ATP8A2: variants seen among roughly 807,000 people sequenced by gnomAD.
ATP8A2 encodes the protein ATPase phospholipid transporting 8A2, also known as phospholipid-transporting ATPase IB.
Under a neutral mutation model 165.6 loss-of-function variants are expected in ATP8A2, and 100 were observed. The observed-to-expected ratio is 0.60, with a 90% CI of 0.51 to 0.71. The LOEUF is 0.71. ATP8A2 is among the 30% of genes least tolerant of loss of function. ATP8A2 has a pLI of 0.00. For synonymous variants in ATP8A2, 543 were observed against 548.8 expected (o/e 0.99, Z 0.15); for missense variants, 1,227 against 1,479.5 (o/e 0.83, Z 2.80).
intron 24 of ATP8A2, among the ~76,000 whole-genome samples, chr13:25,654,715 G>T (rs1054015731): frequency 3.3e-5 from 5 of 152,156 alleles, no homozygotes; most frequent in Admixed American, 6.5e-5. Flanking sequence ...GACATAGAAG[G>T]TCATCTCCCT....
chr13:25,937,352 T>TTCTG (rs1182060029), intron 33 of ATP8A2, among the ~76,000 whole-genome samples: 1 of 80,638 alleles, frequency 1.2e-5, no homozygotes, highest in East Asian at 4.1e-4. Flanking sequence ...TGTCTTTCTA[T>TTCTG]TCTTTCTTTC....
chr13:25,885,364 C>A (rs555490673), intron 33 of ATP8A2, among the ~76,000 whole-genome samples: 2 of 152,012 alleles, frequency 1.3e-5, no homozygotes, highest in African/African-American at 2.4e-5. Context: ...CCATCTGCCT[C>A]GGCCTCCCAA....
intron 33 of ATP8A2, among the ~76,000 whole-genome samples, chr13:25,895,125 G>GGGC (rs1316511502): frequency 6.6e-6 from 1 of 152,194 alleles, no homozygotes; most frequent in Non-Finnish European, 1.5e-5. Context: ...TTTTCAAAAA[G>GGGC]AATGCTTCCA....
chr13:25,745,022 C>A (rs1034817743), intron 25 of ATP8A2, among the ~76,000 whole-genome samples: 2 of 152,058 alleles, frequency 1.3e-5, no homozygotes, highest in African/African-American at 2.4e-5. Flanking sequence ...CTCACTACAA[C>A]CTCCGCCTCC....
At chr13:25,931,037 C>A (rs1225254212) in intron 33 of ATP8A2, among the ~76,000 whole-genome samples, 1 of 152,176 alleles carries the variant, frequency 6.6e-6, no homozygotes, top group African/African-American at 2.4e-5. Context: ...GTGACCTCTG[C>A]CTCCCTTGTT....
At chr13:25,817,745 A>G (rs1951068404) in intron 27 of ATP8A2, among the ~76,000 whole-genome samples, 1 of 151,350 alleles carries the variant, frequency 6.6e-6, no homozygotes. Context: ...GTGCACGATC[A>G]TGGCTCACTG....
chr13:25,897,258 T>G (rs1341144616), intron 33 of ATP8A2, among the ~76,000 whole-genome samples: 3 of 152,220 alleles, frequency 2.0e-5, no homozygotes, highest in African/African-American at 7.2e-5. Context: ...CATTTGCTTG[T>G]CTGTAAAGTA....
At chr13:25,622,240 T>C (rs539799647) in intron 24 of ATP8A2, among the ~76,000 whole-genome samples, 3 of 149,174 alleles carry the variant, frequency 2.0e-5, no homozygotes, top group Non-Finnish European at 3.0e-5. Flanking sequence ...CTTCAAGAAA[T>C]GTATATGCCA....
intron 34 of ATP8A2, among the ~76,000 whole-genome samples, chr13:25,966,286 C>T (rs1955775197): frequency 6.6e-6 from 1 of 152,196 alleles, no homozygotes; most frequent in African/African-American, 2.4e-5. Context: ...TCTGTCAAAG[C>T]TATGACTCAG....
At chr13:25,572,326 A>T (rs1271204920) in intron 18 of ATP8A2, among the ~76,000 whole-genome samples, 1 of 152,142 alleles carries the variant, frequency 6.6e-6, no homozygotes, top group Non-Finnish European at 1.5e-5. Context: ...TTTAGTAGAG[A>T]CGAGGTTTTG....
Position 25,952,530 on chromosome 13 carries a change from T to C in ATP8A2, c.3184-9045T>C, listed in dbSNP as rs771705927. Among the ~76,000 whole-genome samples, 6 of 152,164 alleles carry C rather than the reference T, an allele frequency of 3.9e-5. No individual in the cohort carries two copies. The East Asian group carries it at 9.7e-4, about 25-fold the overall frequency. On this transcript the variant is annotated intron_variant, in intron 33 of 36. Transcript: ENST00000381655. ...CAAATTTCTGGGACTACAAGCGCAC[T>C]ACCACACCCAGCTATTTTTATTTTT...
chr13:25,861,613 C>T lies in ATP8A2; in HGVS notation c.3076-688C>T, dbSNP rs115429343. Among the ~76,000 whole-genome samples, 699 of 152,242 alleles carry T rather than the reference C, an allele frequency of 4.6e-3. 3 individuals carry two copies. Among genetic ancestry groups the T allele is most frequent in the African/African-American group, 0.014 (567 of 41,540 alleles). ...CCCTAAGAGACAGTGGCAATTAATC[C>T]GGGTCAGAGGTGATGATGACTTTGC... On this transcript the variant is annotated intron_variant, in intron 32 of 36. Transcript: ENST00000381655.
rs550435214 is a variant in ATP8A2 at position 25,948,275 on chromosome 13, G to A, written c.3184-13300G>A. ...CATTCAGGAATCATCACACATCATC[G>A]CTGGCCACATCTAGGATGTCTGAAT... On this transcript the variant is annotated intron_variant, in intron 33 of 36. Transcript: ENST00000381655. 3.9e-5 allele frequency among the ~76,000 whole-genome samples: 6 copies of A among 151,966 alleles called. No individual in the cohort carries two copies. In the East Asian group the frequency reaches 7.7e-4, roughly 20 times the overall value.
chr13:25,453,722 T>C (rs545111615), intron 1 of ATP8A2, among the ~76,000 whole-genome samples: 2 of 152,336 alleles, frequency 1.3e-5, no homozygotes, highest in East Asian at 3.9e-4. Context: ...GAAAAGTGTT[T>C]TGATTTTGTG....
chr13:25,969,415 A>G (rs914240047), intron 35 of ATP8A2, among the ~76,000 whole-genome samples: 2 of 152,228 alleles, frequency 1.3e-5, no homozygotes, highest in Non-Finnish European at 2.9e-5. Flanking sequence ...TGCTCTATTA[A>G]GGACATGGAA....
intron 35 of ATP8A2, among the ~76,000 whole-genome samples, chr13:26,012,175 A>AG (rs952656024): frequency 3.3e-5 from 5 of 152,158 alleles, no homozygotes; most frequent in African/African-American, 1.2e-4. Context: ...CCGTGCAGGC[A>AG]GGGGGCTGCA....
At chr13:25,594,205 C>G (rs2040170608) in intron 24 of ATP8A2, among the ~76,000 whole-genome samples, 2 of 152,126 alleles carry the variant, frequency 1.3e-5, no homozygotes, top group African/African-American at 4.8e-5. Flanking sequence ...GTAATCTAAT[C>G]ATTTACTCTA....
At chr13:25,541,665 G>A (rs567551328) in intron 8 of ATP8A2, among the ~76,000 whole-genome samples, 23 of 152,296 alleles carry the variant, frequency 1.5e-4, no homozygotes, top group African/African-American at 5.5e-4. Context: ...CTTATGCACG[G>A]ATGTTTCTAG....
chr13:25,717,661 A>C (rs1281510498), intron 25 of ATP8A2, among the ~76,000 whole-genome samples: 1 of 152,232 alleles, frequency 6.6e-6, no homozygotes, highest in Non-Finnish European at 1.5e-5. Context: ...TTAATGAAGA[A>C]ATTTTGAAGG....
Sources: allele counts gnomAD v4.1 joint callset (sites outside exome capture counted in the v4.1 genomes callset), GRCh38; gene constraint gnomAD v4.1.1; transcripts MANE v1.5; gene names NCBI Gene and HGNC (gene_info 2026-07-23, HGNC 2026-07-21).